SMC4: variants seen among roughly 807,000 people sequenced by gnomAD.
SMC4 encodes structural maintenance of chromosomes protein 4.
In SMC4, 87 loss-of-function variants were observed where a neutral mutation model predicts 145.6. The observed-to-expected ratio is 0.60, with a 90% CI of 0.50 to 0.71. SMC4 has a LOEUF of 0.71. SMC4 is among the 30% of genes least tolerant of loss of function. The pLI, the probability that SMC4 is intolerant of heterozygous loss-of-function variation, is 0.00. For missense variants in SMC4, 1,447 were observed against 1,537.1 expected, an observed-to-expected ratio of 0.94 and a Z score of 0.98; for synonymous variants, 558 against 500.7, an observed-to-expected ratio of 1.11 and a Z score of -1.53.
In SMC4 at chr3:160,433,773, A is replaced by G; in HGVS notation, c.3831A>G (p.Val1277=). Residue 1277 remains valine, a synonymous_variant, in exon 24 of 24, where the codon GTA becomes GTG. Coordinates refer to ENST00000357388, the MANE Select transcript of SMC4 (RefSeq NM_001002800.3). ...ACAACATAACAAAAAGTGTTGCTGTAAATCCAAAAGAAATTGCATCTAAGG... is the reference window on the plus strand; with the variant it reads ...ACAACATAACAAAAAGTGTTGCTGTGAATCCAAAAGAAATTGCATCTAAGG... ...KTYNITKSVA[V]NPKEIASKGL... is the part of the protein sequence containing the mutation. 1 of 1,603,332 alleles carries G rather than the reference A, an allele frequency of 6.2e-7. No individual in the cohort carries two copies. Among genetic ancestry groups the G allele is most frequent in the South Asian group, 1.1e-5 (1 of 87,606 alleles).
intron 23 of SMC4, 96 bp from the exon 24 acceptor site, chr3:160,433,561 A>G (rs1375747401): frequency 5.7e-6 from 4 of 698,692 alleles, no homozygotes; most frequent in Non-Finnish European, 9.6e-6. Flanking sequence ...CATGTTATCA[A>G]TGTAATGTTT....
intron 5 of SMC4, 48 bp from the exon 6 acceptor site, chr3:160,411,871 AT>A: frequency 1.3e-6 from 2 of 1,509,220 alleles, no homozygotes. Context: ...CTTAAGATTG[AT>A]TTAGCTAAAC....
At position 160,400,931 on chromosome 3, in the gene SMC4, G is replaced by A. The variant is rs1714538199; in HGVS notation, c.105G>A (p.Pro35=). ...GCAGCGACGCGGAGCCTGAGCCGCCGTCCGGCCGCACGGAGAGCCCAGCCA... is the reference window on the plus strand; with the variant it reads ...GCAGCGACGCGGAGCCTGAGCCGCCATCCGGCCGCACGGAGAGCCCAGCCA... ...GASSDAEPEP[P]SGRTESPATA... Residue 35 remains proline (P), a synonymous_variant, in exon 2 of 24, where the codon CCG becomes CCA. Transcript: ENST00000357388. 1.4e-6 allele frequency: 2 copies of A among 1,469,826 alleles called. No individual in the cohort carries two copies. The highest frequency in any genetic ancestry group is 2.9e-5 in the East Asian group (1 of 34,430). The allele number at this position is 1,469,826 out of a possible 1,614,324, so 91.0% of individuals were successfully genotyped here. A position where few individuals can be genotyped will look rare whatever the true frequency, so the allele number is the denominator to read the frequency against.
rs1717098285 is a variant in SMC4, at chr3:160,420,898, T to C, written c.2016T>C (p.Asp672=). 6.2e-7 allele frequency: 1 copy of C among 1,600,416 alleles called. No homozygotes were observed. Among genetic ancestry groups the C allele is most frequent in the Admixed American group, 1.7e-5 (1 of 57,152 alleles). Reference sequence around the variant, plus strand: ...GAGTTGCAACCTTTATAGGTTTAGATAAGGTGGGTATTCGTAATAACCTAC... The same window carrying C: ...GAGTTGCAACCTTTATAGGTTTAGACAAGGTGGGTATTCGTAATAACCTAC... ...NIGVATFIGL[D]KMAVWAKKMT... Residue 672 remains aspartate (D), a synonymous_variant, in exon 13 of 24, where the codon GAT becomes GAC. Coordinates refer to ENST00000357388, the MANE Select transcript of SMC4 (RefSeq NM_001002800.3).
Position 160,433,133 on chromosome 3 carries a change from C to T in SMC4, c.3638C>T (p.Thr1213Ile). 1 of 1,613,644 alleles carries T rather than the reference C, an allele frequency of 6.2e-7. No homozygotes were observed. Among genetic ancestry groups the T allele is most frequent in the South Asian group, 1.1e-5 (1 of 91,064 alleles). Residue 1213 changes from threonine to isoleucine, a missense_variant, in exon 23 of 24, where the codon ACT becomes ATT. Coordinates refer to ENST00000357388, the MANE Select transcript of SMC4 (RefSeq NM_001002800.3). Reference sequence around the variant, plus strand: ...TTTGCTCTTCACCACTACAAGCCCACTCCCCTTTACTTCATGGATGAGATT... The same window carrying T: ...TTTGCTCTTCACCACTACAAGCCCATTCCCCTTTACTTCATGGATGAGATT... ...LVFALHHYKP[T>I]PLYFMDEIDA... is the part of the protein sequence containing the mutation.
chr3:160,402,233 T>TCA (rs1372031235), intron 3 of SMC4, 140 bp downstream of exon 3: 5 of 535,126 alleles, frequency 9.3e-6, no homozygotes, highest in Admixed American at 4.1e-5. Flanking sequence ...TCTGTCTCTC[T>TCA]CTCTCACACA....
At chr3:160,401,045 GGTT>G in intron 2 of SMC4, 80 bp downstream of exon 2, 10 of 1,347,308 alleles carry the variant, frequency 7.4e-6, no homozygotes, top group African/African-American at 1.5e-5. Context: ...GGCTGGCTGG[GGTT>G]GTTGAGCGCG....
rs1206321859 is a variant in SMC4, at chr3:160,428,831, A to G, written c.2684A>G (p.Asn895Ser). Residue 895 changes from asparagine to serine, a missense_variant, in exon 18 of 24, where the codon AAT becomes AGT. Asn to Ser is a conservative substitution (Grantham distance 46, BLOSUM62 1). Coordinates refer to ENST00000357388, the MANE Select transcript of SMC4 (RefSeq NM_001002800.3). ...TTACACAATACCATCGTAGAAATCAATAATCATAAACTCAAGGCCCAACAA... is the reference window on the plus strand; with the variant it reads ...TTACACAATACCATCGTAGAAATCAGTAATCATAAACTCAAGGCCCAACAA... ...KRLHNTIVEI[N>S]NHKLKAQQDK... 1.2e-6 allele frequency: 2 copies of G among 1,607,362 alleles called. No homozygotes were observed. Among genetic ancestry groups the G allele is most frequent in the African/African-American group, 1.3e-5 (1 of 74,424 alleles).
At chr3:160,410,824 G>A (rs1475454546) in intron 5 of SMC4, among the ~76,000 whole-genome samples, 1 of 152,120 alleles carries the variant, frequency 6.6e-6, no homozygotes, top group Admixed American at 6.5e-5. Context: ...ATTCACTTAG[G>A]AAATAGGAAT....
chr3:160,433,895 A>G lies in SMC4; in HGVS notation c.*86A>G. 2.0e-6 allele frequency: 2 copies of G among 978,922 alleles called. No homozygotes were observed. The highest frequency in any genetic ancestry group is 4.7e-4 in the Middle Eastern group (2 of 4,248). 60.6% of individuals were successfully genotyped at this position (978,922 alleles called of 1,614,324 possible). A position where few individuals can be genotyped will look rare whatever the true frequency, so the allele number is the denominator to read the frequency against. On this transcript the variant is annotated 3_prime_UTR_variant, in exon 24 of 24. Transcript: ENST00000357388. ...AAGGATTATGAGTTGTATAAAATAC[A>G]TACTCCCTAAACTAGATCATGAAAC... is the stretch of plus-strand genomic sequence containing the variant.
intron 20 of SMC4, 128 bp downstream of exon 20, chr3:160,431,333 C>G: frequency 1.3e-6 from 1 of 744,018 alleles, no homozygotes; most frequent in South Asian, 2.1e-5. Context: ...ATTTTTAATT[C>G]TGTGATCACT....
At position 160,434,101 on chromosome 3, in the gene SMC4, C is replaced by G. The variant is rs1577005124; in HGVS notation, c.*292C>G. 1 of 241,646 alleles carries G rather than the reference C, an allele frequency of 4.1e-6. No homozygotes were observed. The allele number at this position is 241,646 out of a possible 1,614,324, so 15.0% of individuals were successfully genotyped here. On this transcript the variant is annotated 3_prime_UTR_variant, in exon 24 of 24. Transcript: ENST00000357388. Reference sequence around the variant, plus strand: ...ATGTTAGTTGAGGCAAAGTCCTAAGCAAGGTTGTGCTATCAAGGCTCAGCA... The same window carrying G: ...ATGTTAGTTGAGGCAAAGTCCTAAGGAAGGTTGTGCTATCAAGGCTCAGCA...
At chr3:160,406,747 T>G (rs1427408777) in intron 5 of SMC4, among the ~76,000 whole-genome samples, 2 of 152,224 alleles carry the variant, frequency 1.3e-5, no homozygotes, top group Non-Finnish European at 2.9e-5. Flanking sequence ...ATATATTCGC[T>G]TAGCAAATTT....
rs772340196 is a variant in SMC4 at position 160,413,576 on chromosome 3, A to G, written c.1084A>G (p.Met362Val). 7.5e-6 allele frequency: 11 copies of G among 1,475,266 alleles called. No homozygotes were observed. The highest frequency in any genetic ancestry group is 4.6e-6 in the Non-Finnish European group (5 of 1,080,028). 91.4% of individuals were successfully genotyped at this position (1,475,266 alleles called of 1,614,324 possible). A position where few individuals can be genotyped will look rare whatever the true frequency, so the allele number is the denominator to read the frequency against. Residue 362 changes from methionine (M) to valine (V), a missense_variant, in exon 8 of 24, where the codon ATG becomes GTG. Met to Val is a conservative substitution (Grantham distance 21). Coordinates refer to ENST00000357388, the MANE Select transcript of SMC4 (RefSeq NM_001002800.3). ...GAAGAGCAATATACTATCAAATGAAATGAAAGCTAAGAATAAAGATGTAAA... is the reference window on the plus strand; with the variant it reads ...GAAGAGCAATATACTATCAAATGAAGTGAAAGCTAAGAATAAAGATGTAAA... ...NEKSNILSNEMKAKNKDVKDT... is the reference protein window; with the variant it reads ...NEKSNILSNEVKAKNKDVKDT...
intron 6 of SMC4, 21 bp downstream of exon 6, chr3:160,412,105 C>G (rs980498663): frequency 1.9e-6 from 3 of 1,598,046 alleles, no homozygotes; most frequent in African/African-American, 2.7e-5. Flanking sequence ...TGTAGACTTT[C>G]ATTGTAAATC....
chr3:160,416,322 C>A lies in SMC4; in HGVS notation c.1344C>A (p.Ala448=). The change falls in exon 10 of 24, where the codon GCC becomes GCA. Residue 448 remains alanine (A), a synonymous_variant. Transcript: ENST00000357388. ...IINETTTRNN[A]LEKEKEKEEK... ...ATGAAACAACAACCAGAAACAATGCCCTCGAGAAGGAAAAAGAGAAAGAAG... is the reference window on the plus strand; with the variant it reads ...ATGAAACAACAACCAGAAACAATGCACTCGAGAAGGAAAAAGAGAAAGAAG... The A allele has an allele frequency of 6.2e-7, 1 of 1,604,384 alleles. No homozygotes were observed. Among genetic ancestry groups the A allele is most frequent in the Non-Finnish European group, 8.5e-7 (1 of 1,174,910 alleles).
At position 160,401,530 on chromosome 3, in the gene SMC4, A is replaced by G. The variant is rs566479096; in HGVS notation, c.140-385A>G. Among the ~76,000 whole-genome samples the G allele has an allele frequency of 2.1e-4, 32 of 152,322 alleles. No homozygotes were observed. The South Asian group carries it at 3.5e-3, about 17-fold the overall frequency. On this transcript the variant is annotated intron_variant, in intron 2 of 23. Coordinates refer to ENST00000357388, the MANE Select transcript of SMC4 (RefSeq NM_001002800.3). The stretch of plus-strand genomic sequence containing the variant: ...ATGAAGGTTCCAGGTGCTCAGCGGT[A>G]CGGAGAATTGCATCTAGAGCCTTAG...
chr3:160,423,718 T>G, intron 14 of SMC4, 43 bp from the exon 15 acceptor site: 1 of 1,603,012 alleles, frequency 6.2e-7, no homozygotes, highest in South Asian at 1.1e-5. Context: ...TTTAATCTTG[T>G]TGGGGAGACA....
intron 10 of SMC4, 117 bp from the exon 11 acceptor site, chr3:160,417,606 A>G (rs905151569): frequency 1.3e-5 from 11 of 818,148 alleles, no homozygotes; most frequent in African/African-American, 8.7e-5. Flanking sequence ...TCTTATTTCT[A>G]TATACTGTGC....
Sources: gnomAD v4.1 joint callset for allele counts (sites outside exome capture counted in the v4.1 genomes callset) on GRCh38, gnomAD v4.1.1 for gene constraint, MANE v1.5 for transcripts, NCBI Gene and HGNC (gene_info 2026-07-23, HGNC 2026-07-21) for gene names.